ABI3BP: variants seen among roughly 807,000 people sequenced by gnomAD.
The protein encoded by ABI3BP is target of Nesh-SH3.
A neutral mutation model predicts 268.6 loss-of-function variants in ABI3BP; 216 were observed. The observed-to-expected ratio is 0.80, with a 90% CI of 0.72 to 0.90. ABI3BP has a LOEUF of 0.90. ABI3BP is among the 40% of genes least tolerant of loss of function. The probability of loss-of-function intolerance (pLI) is 0.00; values close to 1 mark genes in which losing one functional copy is unlikely to be tolerated. For missense variants in ABI3BP, 2,090 were observed against 2,182.4 expected (o/e 0.96, Z 0.84); for synonymous variants, 730 against 730.0 (o/e 1.00, Z 0.00).
intron 1 of ABI3BP, among the ~76,000 whole-genome samples, chr3:100,947,014 C>T (rs1410826779): frequency 6.6e-6 from 1 of 152,046 alleles, no homozygotes; most frequent in Non-Finnish European, 1.5e-5. Flanking sequence ...CCAAATGCTT[C>T]AGTTGGGTTT....
Position 100,856,148 on chromosome 3 carries a change from C to T in ABI3BP, c.1286-4208G>A, listed in dbSNP as rs142676622. Among the ~76,000 whole-genome samples the T allele has an allele frequency of 6.9e-3, 1,054 of 152,238 alleles. 8 individuals carry two copies. The highest frequency in any genetic ancestry group is 8.2e-3 in the Non-Finnish European group (557 of 68,016). On this transcript the variant is annotated intron_variant, in intron 14 of 67. Coordinates refer to ENST00000471714, the MANE Select transcript of ABI3BP (RefSeq NM_001375547.2). Reference sequence around the variant, plus strand: ...TGGGCCAGATCTGTGCTAATCAACACCTTACAGGGCAGACAGATAATAAAT... The same window carrying T: ...TGGGCCAGATCTGTGCTAATCAACATCTTACAGGGCAGACAGATAATAAAT...
At chr3:100,836,991 A>G in intron 27 of ABI3BP, 133 bp downstream of exon 27, 1 of 839,738 alleles carries the variant, frequency 1.2e-6, no homozygotes, top group Non-Finnish European at 1.8e-6. Flanking sequence ...GCCCCTGTTG[A>G]AAATAGTGAA....
chr3:100,876,800 TAA>T (rs1455050259), intron 6 of ABI3BP, among the ~76,000 whole-genome samples: 15 of 147,044 alleles, frequency 1.0e-4, no homozygotes, highest in Admixed American at 8.4e-4. Flanking sequence ...GCCAACATGG[TAA>T]AACCCCATCT....
In ABI3BP at chr3:100,812,451, TG is replaced by T; in HGVS notation, c.3421+15del. 7.7e-7 allele frequency: 1 copy of T among 1,292,348 alleles called. No homozygotes were observed. The highest frequency in any genetic ancestry group is 9.8e-7 in the Non-Finnish European group (1 of 1,018,624). The allele number at this position is 1,292,348 out of a possible 1,614,324, so 80.1% of individuals were successfully genotyped here. On this transcript the variant is annotated intron_variant, in intron 46 of 67. Transcript: ENST00000471714. The stretch of plus-strand genomic sequence containing the variant: ...AAAGCACATATGCTTGACTTCCCAT[TG>T]GGGAACATTTTTACCTATGGTCTCC...
Position 100,866,887 on chromosome 3 carries a change from G to A in ABI3BP, c.980C>T (p.Pro327Leu), listed in dbSNP as rs1394996174. Reference sequence around the variant, plus strand: ...CATAGCGATCTCATTACCTGTTGTGGGTCGTGCTGAGATTTTTTCAACCTC... The same window carrying A: ...CATAGCGATCTCATTACCTGTTGTGAGTCGTGCTGAGATTTTTTCAACCTC... ...TPEVEKISAR[P>L]TTVTPETVPR... Residue 327 changes from proline (P) to leucine (L), a missense_variant, in exon 10 of 68, where the codon CCC becomes CTC. Pro to Leu is a moderately conservative substitution (Grantham distance 98, BLOSUM62 -3). Coordinates refer to ENST00000471714, the MANE Select transcript of ABI3BP (RefSeq NM_001375547.2). The A allele has an allele frequency of 6.2e-7, 1 of 1,613,550 alleles. No individual in the cohort carries two copies.
intron 56 of ABI3BP, 25 bp from the exon 57 acceptor site, chr3:100,787,827 G>T: frequency 6.9e-7 from 1 of 1,442,892 alleles, no homozygotes; most frequent in Non-Finnish European, 9.1e-7. Context: ...GATATAAATA[G>T]TTCATTTTCT....
At chr3:100,841,884 A>C (rs1299274261) in intron 21 of ABI3BP, 114 bp downstream of exon 21, 2 of 919,422 alleles carry the variant, frequency 2.2e-6, no homozygotes, top group Non-Finnish European at 3.2e-6. Context: ...AACGAGAGTG[A>C]AACTTCATCT....
rs114633919 is a variant in ABI3BP, at chr3:100,826,612, T to A, written c.2603-768A>T. Among the ~76,000 whole-genome samples, 1,341 of 152,304 alleles carry A rather than the reference T, an allele frequency of 8.8e-3. 17 individuals are homozygous for A. Among genetic ancestry groups the A allele is most frequent in the African/African-American group, 0.031 (1,289 of 41,568 alleles). On this transcript the variant is annotated intron_variant, in intron 34 of 67. Coordinates refer to ENST00000471714, the MANE Select transcript of ABI3BP (RefSeq NM_001375547.2). ...AACATGTACTATATGTTTATCAAAT[T>A]ATGGTTGCAGAAAAAGTGATGAAAT...
At chr3:100,753,683 A>C in intron 65 of ABI3BP, 136 bp downstream of exon 65, 1 of 933,534 alleles carries the variant, frequency 1.1e-6, no homozygotes, top group Non-Finnish European at 1.7e-6. Context: ...TGTGTAGGTA[A>C]ACATTCACAA....
chr3:100,898,517 C>A (rs1236779640), intron 4 of ABI3BP, among the ~76,000 whole-genome samples: 1 of 152,178 alleles, frequency 6.6e-6, no homozygotes, highest in Non-Finnish European at 1.5e-5. Context: ...TTACTGATAC[C>A]ACCCATTTGC....
At chr3:100,765,469 C>T (rs370226180) in intron 63 of ABI3BP, among the ~76,000 whole-genome samples, 1 of 152,260 alleles carries the variant, frequency 6.6e-6, no homozygotes, top group East Asian at 1.9e-4. Context: ...CCTTTTCTTG[C>T]CCTCTCCTTT....
chr3:100,828,484 C>A (rs2098427733), intron 33 of ABI3BP, 32 bp from the exon 34 acceptor site: 7 of 1,497,886 alleles, frequency 4.7e-6, no homozygotes, highest in Non-Finnish European at 6.3e-6. Flanking sequence ...AAAACACCAA[C>A]AAAACATTAA....
intron 2 of ABI3BP, among the ~76,000 whole-genome samples, chr3:100,916,911 A>G (rs1426345874): frequency 6.6e-6 from 1 of 152,188 alleles, no homozygotes; most frequent in African/African-American, 2.4e-5. Context: ...TTGCATATAG[A>G]TTTTTCAACT....
At chr3:100,913,171 A>T (rs1486450297) in intron 2 of ABI3BP, among the ~76,000 whole-genome samples, 2 of 152,228 alleles carry the variant, frequency 1.3e-5, no homozygotes, top group African/African-American at 4.8e-5. Flanking sequence ...GGTGACAAAG[A>T]ACTGACTAAT....
intron 67 of ABI3BP, 114 bp downstream of exon 67, chr3:100,751,438 T>A (rs1317918884): frequency 3.6e-6 from 4 of 1,105,894 alleles, no homozygotes; most frequent in Non-Finnish European, 4.7e-6. Context: ...TTCCTAGATA[T>A]GTGGAGCAGT....
intron 4 of ABI3BP, among the ~76,000 whole-genome samples, chr3:100,895,281 C>T (rs937392219): frequency 9.9e-5 from 15 of 152,022 alleles, no homozygotes; most frequent in African/African-American, 3.4e-4. Context: ...ATCTGCTCTC[C>T]GATGTGAACT....
intron 2 of ABI3BP, among the ~76,000 whole-genome samples, chr3:100,908,890 G>A (rs971461904): frequency 4.6e-5 from 7 of 152,092 alleles, no homozygotes; most frequent in African/African-American, 7.2e-5. Context: ...CTTTCTTCAC[G>A]GAATTGGAAA....
At chr3:100,880,303 T>C (rs1447188492) in intron 6 of ABI3BP, among the ~76,000 whole-genome samples, 2 of 152,160 alleles carry the variant, frequency 1.3e-5, no homozygotes, top group East Asian at 3.9e-4. Context: ...TCCTTCTTAG[T>C]CATTCCCTTG....
chr3:100,977,509 G>C (rs2086848439), intron 1 of ABI3BP, among the ~76,000 whole-genome samples: 1 of 152,174 alleles, frequency 6.6e-6, no homozygotes, highest in Admixed American at 6.5e-5. Context: ...GCAAATTTGT[G>C]CTGGATATAG....
Sources: allele counts gnomAD v4.1 joint callset (sites outside exome capture counted in the v4.1 genomes callset), GRCh38; gene constraint gnomAD v4.1.1; transcripts MANE v1.5; gene names NCBI Gene and HGNC (gene_info 2026-07-23, HGNC 2026-07-21).